TPCN1: variants seen among roughly 807,000 people sequenced by gnomAD.
The protein encoded by TPCN1 is two pore channel protein 1.
In TPCN1, 52 loss-of-function variants were observed where a neutral mutation model predicts 108.8. The observed-to-expected ratio is 0.48, with a 90% CI of 0.38 to 0.60. The LOEUF (loss-of-function observed/expected upper bound fraction) is 0.60. Ranked by LOEUF, TPCN1 falls within the 20% of genes least tolerant of loss-of-function variation. TPCN1 has a pLI of 0.00. For missense variants in TPCN1, 806 were observed against 1,072.8 expected (o/e 0.75, Z 3.47); for synonymous variants, 446 against 433.7 (o/e 1.03, Z -0.35).
Position 113,297,728 on chromosome 12 carries a change from C to T in TPCN1, c.*1652C>T, listed in dbSNP as rs1391107637. 6.6e-6 allele frequency: 1 copy of T among 152,398 alleles called. No individual in the cohort carries two copies. Among genetic ancestry groups the T allele is most frequent in the Non-Finnish European group, 1.5e-5 (1 of 68,086 alleles). The allele number at this position is 152,398 out of a possible 1,614,324, so 9.4% of individuals were successfully genotyped here. On this transcript the variant is annotated 3_prime_UTR_variant, in exon 28 of 28. Coordinates refer to ENST00000335509, the MANE Select transcript of TPCN1 (RefSeq NM_017901.6). This position sits in a 1 kb window ranked among gnomAD's most constrained non-coding sequence, Gnocchi z 4.4. ...CCCCGGGAGTCAGACTGGCTTTGTC[C>T]TCTTCCTCTCTGGAGGGCCATGGGC...
chr12:113,246,761 G>T (rs931436184), intron 2 of TPCN1, among the ~76,000 whole-genome samples: 3 of 152,184 alleles, frequency 2.0e-5, no homozygotes, highest in African/African-American at 4.8e-5. Context: ...GGAAGAACCC[G>T]TTCTGCTCTG....
chr12:113,290,745 T>C (rs1593212631), intron 22 of TPCN1, among the ~76,000 whole-genome samples: 1 of 152,110 alleles, frequency 6.6e-6, no homozygotes, highest in Admixed American at 6.5e-5. Context: ...GAGGGTGTGT[T>C]CTCTTGGGGG....
intron 2 of TPCN1, among the ~76,000 whole-genome samples, chr12:113,236,737 C>T (rs1593085192): frequency 6.6e-6 from 1 of 152,238 alleles, no homozygotes; most frequent in Admixed American, 6.5e-5. Context: ...TGGGGTCAGA[C>T]CCACTGAGTT....
At chr12:113,286,169 C>T (rs918478746) in intron 18 of TPCN1, among the ~76,000 whole-genome samples, 5 of 152,202 alleles carry the variant, frequency 3.3e-5, no homozygotes, top group Non-Finnish European at 5.9e-5. Context: ...TCTCAGACCA[C>T]CCACACCGTC....
At chr12:113,259,102 G>A (rs550762406) in intron 2 of TPCN1, among the ~76,000 whole-genome samples, 8 of 151,582 alleles carry the variant, frequency 5.3e-5, no homozygotes, top group Non-Finnish European at 1.0e-4. Flanking sequence ...TCAGCCTCCT[G>A]AGTAGCTGGG....
chr12:113,243,081 T>A (rs184303262), intron 2 of TPCN1, among the ~76,000 whole-genome samples: 316 of 152,328 alleles, frequency 2.1e-3, no homozygotes, highest in Admixed American at 3.5e-3. Context: ...CTTTTAAAAC[T>A]ACATCTGGCC....
Position 113,287,110 on chromosome 12 carries a change from G to C in TPCN1, c.1634+16G>C. ...AGCTGCTGAGGTGATGGGCAGGGCA[G>C]AGCCGGAGACAGGGAGAAAGAGAGG... On this transcript the variant is annotated intron_variant, in intron 19 of 27. Coordinates refer to ENST00000335509, the MANE Select transcript of TPCN1 (RefSeq NM_017901.6). 2 of 1,597,498 alleles carry C rather than the reference G, an allele frequency of 1.3e-6. No homozygotes were observed. Among genetic ancestry groups the C allele is most frequent in the South Asian group, 2.2e-5 (2 of 90,654 alleles).
intron 2 of TPCN1, among the ~76,000 whole-genome samples, chr12:113,241,247 C>T (rs137898545): frequency 2.6e-5 from 4 of 152,380 alleles, no homozygotes; most frequent in Non-Finnish European, 5.9e-5. Context: ...GGCCATCAAG[C>T]TCTCTGTGGG....
chr12:113,266,318 G>C lies in TPCN1; in HGVS notation c.376G>C (p.Glu126Gln). Residue 126 changes from glutamate (E) to glutamine (Q), a missense_variant, in exon 4 of 28, where the codon GAG becomes CAG. Physicochemically the swap from Glu to Gln is conservative, Grantham distance 29. Coordinates refer to ENST00000335509, the MANE Select transcript of TPCN1 (RefSeq NM_017901.6). This position sits in a 1 kb window ranked among gnomAD's most constrained non-coding sequence, Gnocchi z 4.2. ...ALLLLLLSLC[E>Q]APAVPALRLG... Reference sequence around the variant, plus strand: ...GCTGCTGCTGCTGCTCTCCCTGTGCGAGGCCCCCGCCGTCCCCGCACTCCG... The same window carrying C: ...GCTGCTGCTGCTGCTCTCCCTGTGCCAGGCCCCCGCCGTCCCCGCACTCCG... The C allele has an allele frequency of 6.2e-7, 1 of 1,611,246 alleles. No individual in the cohort carries two copies. Among genetic ancestry groups the C allele is most frequent in the Non-Finnish European group, 8.5e-7 (1 of 1,180,002 alleles).
At chr12:113,295,785 C>T (rs1429699946) in intron 27 of TPCN1, among the ~76,000 whole-genome samples, 175 bp from the exon 28 acceptor site, 2 of 152,142 alleles carry the variant, frequency 1.3e-5, no homozygotes, top group South Asian at 2.1e-4. Context: ...CCTCTGGGGC[C>T]ACATTCAAAA....
intron 2 of TPCN1, among the ~76,000 whole-genome samples, chr12:113,236,622 A>G (rs1354283412): frequency 1.4e-5 from 2 of 147,964 alleles, no homozygotes; most frequent in Admixed American, 6.7e-5. Flanking sequence ...CTCAAAAAGA[A>G]AAAAAAAAAA....
At chr12:113,242,206 T>C (rs1161111567) in intron 2 of TPCN1, among the ~76,000 whole-genome samples, 1 of 152,236 alleles carries the variant, frequency 6.6e-6, no homozygotes, top group Non-Finnish European at 1.5e-5. Flanking sequence ...CTTGCGGTTT[T>C]GCCCATGCAG....
At position 113,241,793 on chromosome 12, in the gene TPCN1, T is replaced by TGTGTGC. The variant is rs776600301; in HGVS notation, c.112+14830_112+14831insTGTGCG. On this transcript the variant is annotated intron_variant, in intron 2 of 27. Transcript: ENST00000335509. ...GTGTGTGTGTGTGTGTGTGTGTGTGTGCGTGTGTGTGTATGAGACAGCAGG... is the reference window on the plus strand; with the variant it reads ...GTGTGTGTGTGTGTGTGTGTGTGTGTGTGTGCGCGTGTGTGTGTATGAGACAGCAGG... 5.2e-4 allele frequency among the ~76,000 whole-genome samples: 79 copies of TGTGTGC among 150,538 alleles called. 2 individuals are homozygous for TGTGTGC. The South Asian group carries it at 0.014, about 27-fold the overall frequency.
chr12:113,276,856 C>A lies in TPCN1; in HGVS notation c.943-63C>A, dbSNP rs149825180. ...TGCCTAGATGATGAACTCATACCCCCCTGCACTCCCTGCCCTAACCACTCA... is the reference window on the plus strand; with the variant it reads ...TGCCTAGATGATGAACTCATACCCCACTGCACTCCCTGCCCTAACCACTCA... On this transcript the variant is annotated intron_variant, in intron 10 of 27. Coordinates refer to ENST00000335509, the MANE Select transcript of TPCN1 (RefSeq NM_017901.6). 4.1e-3 allele frequency: 4,607 copies of A among 1,117,708 alleles called. 18 individuals carry two copies. The highest frequency in any genetic ancestry group is 5.3e-3 in the Non-Finnish European group (3,863 of 733,896). 69.2% of individuals were successfully genotyped at this position (1,117,708 alleles called of 1,614,324 possible).
intron 17 of TPCN1, 32 bp from the exon 18 acceptor site, chr12:113,285,857 G>A (rs1455129761): frequency 1.3e-6 from 2 of 1,593,774 alleles, no homozygotes; most frequent in Non-Finnish European, 1.7e-6. Context: ...GATGTGGCGG[G>A]GCTGCTGCCG....
intron 2 of TPCN1, among the ~76,000 whole-genome samples, chr12:113,247,271 CAG>C (rs1341501126): frequency 3.3e-5 from 5 of 152,152 alleles, no homozygotes; most frequent in Non-Finnish European, 5.9e-5. Flanking sequence ...CCCCAGCAAG[CAG>C]GGGCTCATTC....
At chr12:113,260,657 C>T (rs546041265) in intron 3 of TPCN1, among the ~76,000 whole-genome samples, 165 bp downstream of exon 3, 21 of 152,264 alleles carry the variant, frequency 1.4e-4, no homozygotes, top group Admixed American at 9.2e-4. Context: ...TGACTGTGCT[C>T]ATAGGGGAAA....
chr12:113,253,670 G>A (rs1954729450), intron 2 of TPCN1, among the ~76,000 whole-genome samples: 1 of 152,180 alleles, frequency 6.6e-6, no homozygotes, highest in African/African-American at 2.4e-5. Context: ...TGCCCCAAGA[G>A]AATAAGGTGA....
intron 2 of TPCN1, chr12:113,244,459 A>T: frequency 1.0e-6 from 1 of 985,392 alleles, no homozygotes; most frequent in Non-Finnish European, 1.2e-6. Context: ...GCAACCAATT[A>T]TCAGAAAGAG....
Sources: gnomAD v4.1 joint callset for allele counts (sites outside exome capture counted in the v4.1 genomes callset) on GRCh38, gnomAD v4.1.1 for gene constraint, Gnocchi (gnomAD v3.1) non-coding constraint, MANE v1.5 for transcripts, NCBI Gene and HGNC (gene_info 2026-07-23, HGNC 2026-07-21) for gene names.